The following KANSL1 variants were observed in gnomAD, a reference collection of about 807,000 sequenced individuals.
KANSL1 encodes KAT8 regulatory NSL complex subunit 1, also known as MLL1/MLL complex subunit KANSL1.
KANSL1 carries 22 observed loss-of-function variants against 103.6 expected under a neutral mutation model. The ratio of observed to expected loss-of-function variants is 0.21; its 90% CI spans 0.15 to 0.30. The LOEUF is 0.30. Ranked by LOEUF, KANSL1 falls within the 10% of genes least tolerant of loss-of-function variation. KANSL1 has a pLI of 1.00. For synonymous variants in KANSL1, 600 were observed against 527.6 expected (o/e 1.14, Z -1.88); for missense variants, 1,337 against 1,399.8 (o/e 0.96, Z 0.72).
At chr17:46,054,903 T>C (rs62063684) in intron 6 of KANSL1, among the ~76,000 whole-genome samples, 21,431 of 150,208 alleles carry the variant, frequency 0.14, 2,087 homozygotes, top group Non-Finnish European at 0.22. Context: ...CAGGCTGGAG[T>C]GCAGTGGTGG....
intron 1 of KANSL1, among the ~76,000 whole-genome samples, chr17:46,172,901 C>T (rs2046356573): frequency 6.6e-6 from 1 of 152,150 alleles, no homozygotes; most frequent in South Asian, 2.1e-4. Flanking sequence ...TCAGTACAGC[C>T]TCTCTCTCAT....
Position 46,199,541 on chromosome 17 carries a change from C to G in KANSL1, c.-90+24130G>C, listed in dbSNP as rs553874426. 1.1e-3 allele frequency among the ~76,000 whole-genome samples: 164 copies of G among 152,324 alleles called. 1 individual carries two copies. The highest frequency in any genetic ancestry group is 3.8e-3 in the African/African-American group (157 of 41,548). ...TCAGTAAGATTAAACAAAAGCATTT[C>G]ATAAATGGCAAAGTATTACAAGAAT... is the stretch of plus-strand genomic sequence containing the variant. On this transcript the variant is annotated intron_variant, in intron 1 of 14. Coordinates refer to the KANSL1 transcript ENST00000572904.
At chr17:46,053,417 T>C (rs887700809) in intron 6 of KANSL1, among the ~76,000 whole-genome samples, 2 of 152,080 alleles carry the variant, frequency 1.3e-5, no homozygotes, top group Non-Finnish European at 2.9e-5. Context: ...AAAGTACTAA[T>C]AGAACCCGAG....
At chr17:46,034,347 C>T in intron 10 of KANSL1, 62 bp from the exon 11 acceptor site, 1 of 1,582,992 alleles carries the variant, frequency 6.3e-7, no homozygotes. Context: ...AATCATTCAT[C>T]TAAGAGTTAA....
At chr17:46,110,959 A>G (rs996308189) in intron 2 of KANSL1, among the ~76,000 whole-genome samples, 5 of 152,388 alleles carry the variant, frequency 3.3e-5, no homozygotes, top group African/African-American at 9.6e-5. Flanking sequence ...CACTCAATGC[A>G]TAACTAAAGA....
At chr17:46,207,482 C>T (rs1292032389) in intron 1 of KANSL1, among the ~76,000 whole-genome samples, 1 of 150,010 alleles carries the variant, frequency 6.7e-6, no homozygotes, top group Non-Finnish European at 1.5e-5. Context: ...GAACTCCAGC[C>T]TGGGTGACAG....
At chr17:46,190,375 G>A (rs1360480731) in intron 1 of KANSL1, among the ~76,000 whole-genome samples, 2 of 152,328 alleles carry the variant, frequency 1.3e-5, no homozygotes, top group South Asian at 2.1e-4. Flanking sequence ...TAGGCAGGAA[G>A]AAAGAAAATC....
At chr17:46,168,993 C>T (rs1225063074) in intron 2 of KANSL1, among the ~76,000 whole-genome samples, 1 of 152,184 alleles carries the variant, frequency 6.6e-6, no homozygotes, top group Non-Finnish European at 1.5e-5. Flanking sequence ...TACAACAGTA[C>T]CAAAACTCAG....
chr17:46,196,833 A>G (rs925864424), upstream of KANSL1: 3 of 195,652 alleles, frequency 1.5e-5, no homozygotes, highest in Non-Finnish European at 3.1e-5. Flanking sequence ...ATGGCCAGGC[A>G]TGGTGGCTCA....
At chr17:46,179,791 G>A (rs561068818) in intron 1 of KANSL1, among the ~76,000 whole-genome samples, 6 of 152,320 alleles carry the variant, frequency 3.9e-5, no homozygotes, top group Non-Finnish European at 2.9e-5. Context: ...AATTTGGGCC[G>A]GGCGCAGTGA....
intron 2 of KANSL1, among the ~76,000 whole-genome samples, chr17:46,101,784 T>G (rs1450803990): frequency 1.9e-5 from 2 of 105,592 alleles, no homozygotes; most frequent in Admixed American, 9.4e-5. Flanking sequence ...AAAAAAGAAA[T>G]AACAATTTAG....
chr17:46,119,572 G>A (rs759730367), intron 2 of KANSL1, among the ~76,000 whole-genome samples: 28 of 152,160 alleles, frequency 1.8e-4, no homozygotes, highest in Admixed American at 3.3e-4. Context: ...CTCCCAAAGC[G>A]CTGGGGATAC....
At chr17:46,174,215 T>C (rs1166947231) in intron 1 of KANSL1, among the ~76,000 whole-genome samples, 4 of 152,238 alleles carry the variant, frequency 2.6e-5, no homozygotes, top group Non-Finnish European at 4.4e-5. Context: ...TAACAGAGTC[T>C]TGCTCTGTCG....
chr17:46,083,928 T>C (rs994096035), intron 3 of KANSL1, among the ~76,000 whole-genome samples: 3 of 151,758 alleles, frequency 2.0e-5, no homozygotes, highest in Non-Finnish European at 4.4e-5. Context: ...AAAACCAATA[T>C]GAAATACAAG....
rs146249878 is a variant in KANSL1, at chr17:46,133,459, A to T, written c.1289+37396T>A. Among the ~76,000 whole-genome samples the T allele has an allele frequency of 9.2e-5, 14 of 152,346 alleles. No individual in the cohort carries two copies. In the East Asian group the frequency reaches 2.7e-3, roughly 29 times the overall value. On this transcript the variant is annotated intron_variant, in intron 2 of 14. Coordinates refer to ENST00000432791, the MANE Select transcript of KANSL1 (RefSeq NM_015443.4). ...GAAAAAATGACAACATACTATGAAA[A>T]AAGCTATGAGGCAGGAAAAAGCACA...
chr17:46,083,838 G>A (rs942517811), intron 3 of KANSL1, among the ~76,000 whole-genome samples: 5 of 152,082 alleles, frequency 3.3e-5, no homozygotes, highest in Non-Finnish European at 7.4e-5. Context: ...GTGACTATTA[G>A]TCTTAGCTCT....
chr17:46,039,521 A>AGC, intron 8 of KANSL1, 181 bp downstream of exon 8: 1 of 683,054 alleles, frequency 1.5e-6, no homozygotes, highest in Non-Finnish European at 2.4e-6. Context: ...TGTCTAGAAT[A>AGC]GCTCCCGAAG....
chr17:46,197,280 A>G (rs1255480363), upstream of KANSL1, among the ~76,000 whole-genome samples: 3 of 152,212 alleles, frequency 2.0e-5, no homozygotes, highest in Non-Finnish European at 4.4e-5. Flanking sequence ...CCTCTCTCCA[A>G]TCCACCTACA....
In KANSL1 at chr17:46,200,761, A is replaced by T. The variant is rs192160426; in HGVS notation, c.-90+22910T>A. Among the ~76,000 whole-genome samples the T allele has an allele frequency of 8.5e-3, 1,266 of 149,008 alleles. 4 individuals are homozygous for T. Among genetic ancestry groups the T allele is most frequent in the Non-Finnish European group, 0.011 (726 of 66,304 alleles). ...TGTCTCAAAATATATATATATATAT[A>T]TTTTTCTTTTTACGTCAGTTGCTGA... On this transcript the variant is annotated intron_variant, in intron 1 of 14. Coordinates refer to the KANSL1 transcript ENST00000572904.
Sources: allele counts gnomAD v4.1 joint callset (sites outside exome capture counted in the v4.1 genomes callset), GRCh38; gene constraint gnomAD v4.1.1; transcripts MANE v1.5; gene names NCBI Gene and HGNC (gene_info 2026-07-23, HGNC 2026-07-21).